The following POU6F2 variants were observed in gnomAD, a reference collection of about 807,000 sequenced individuals.
The protein encoded by POU6F2 is POU class 6 homeobox 2, also known as POU domain, class 6, transcription factor 2.
A neutral mutation model predicts 71.3 loss-of-function variants in POU6F2; 31 were observed. That is an observed-to-expected ratio of 0.43 (90% CI 0.33 to 0.59). POU6F2 has a LOEUF of 0.59. POU6F2 is among the 20% of genes least tolerant of loss of function. The pLI, the probability that POU6F2 is intolerant of heterozygous loss-of-function variation, is 0.04. For missense variants in POU6F2, 783 were observed against 856.8 expected (o/e 0.91, Z 1.07); for synonymous variants, 347 against 355.7 (o/e 0.98, Z 0.27).
At chr7:39,239,253 A>G (rs751892068) in intron 4 of POU6F2, among the ~76,000 whole-genome samples, 1 of 152,140 alleles carries the variant, frequency 6.6e-6, no homozygotes, top group African/African-American at 2.4e-5. Context: ...AGCTGTCTTC[A>G]TAGTGCCTCA....
At chr7:39,171,134 A>G (rs1281553766) in intron 2 of POU6F2, among the ~76,000 whole-genome samples, 1 of 148,438 alleles carries the variant, frequency 6.7e-6, no homozygotes, top group Admixed American at 6.9e-5. Context: ...TAAACCCATC[A>G]TCTAGGTTTT....
chr7:39,257,164 C>G (rs912659069), intron 4 of POU6F2, among the ~76,000 whole-genome samples: 1 of 152,138 alleles, frequency 6.6e-6, no homozygotes, highest in African/African-American at 2.4e-5. Context: ...GGAAATAGTG[C>G]AGATACAAAG....
intron 5 of POU6F2, among the ~76,000 whole-genome samples, chr7:39,389,483 T>C (rs1187199505): frequency 6.6e-6 from 1 of 152,186 alleles, no homozygotes; most frequent in Non-Finnish European, 1.5e-5. Context: ...CAGTTGTGAG[T>C]AACTTGCCTT....
chr7:39,410,762 T>C (rs779005921), intron 6 of POU6F2, among the ~76,000 whole-genome samples: 13 of 152,010 alleles, frequency 8.6e-5, no homozygotes, highest in Middle Eastern at 6.8e-3. Flanking sequence ...TGCATAATTA[T>C]CATCATCATC....
At chr7:39,086,136 G>GT in intron 2 of POU6F2, 105 bp downstream of exon 2, 1 of 1,180,026 alleles carries the variant, frequency 8.5e-7, no homozygotes, top group Non-Finnish European at 1.1e-6. Context: ...CAGTTTTCCC[G>GT]TAAGTACTAA....
chr7:38,995,943 T>C (rs1414937379), intron 1 of POU6F2, among the ~76,000 whole-genome samples: 2 of 152,072 alleles, frequency 1.3e-5, no homozygotes, highest in African/African-American at 4.8e-5. Flanking sequence ...TAAACTTTCC[T>C]TGTGGAAGAA....
rs141805863 is a variant in POU6F2, at chr7:39,180,589, C to T, written c.278-23646C>T. 3.7e-3 allele frequency among the ~76,000 whole-genome samples: 559 copies of T among 152,270 alleles called. 2 individuals are homozygous for T. Among genetic ancestry groups the T allele is most frequent in the African/African-American group, 0.013 (524 of 41,556 alleles). ...TGTATGGGAAACTCCAGCCTCGTGT[C>T]TCCGCTATTCCCAGTCATTTGCCTT... On this transcript the variant is annotated intron_variant, in intron 2 of 9. Transcript: ENST00000518318.
At chr7:39,258,442 G>A (rs1205985544) in intron 4 of POU6F2, among the ~76,000 whole-genome samples, 1 of 152,090 alleles carries the variant, frequency 6.6e-6, no homozygotes, top group Non-Finnish European at 1.5e-5. Context: ...TGTCCTCATT[G>A]GTAGCTGGTA....
At position 39,126,804 on chromosome 7, in the gene POU6F2, A is replaced by G. The variant is rs534336583; in HGVS notation, c.277+40773A>G. ...AGATACACATAGATATTTACAATCC[A>G]TACCAACACATGCTTATCTGCAAGG... is the stretch of plus-strand genomic sequence containing the variant. On this transcript the variant is annotated intron_variant, in intron 2 of 9. Transcript: ENST00000518318. Among the ~76,000 whole-genome samples, 22 of 152,356 alleles carry G rather than the reference A, an allele frequency of 1.4e-4. No homozygotes were observed. In the South Asian group the frequency reaches 2.9e-3, roughly 20 times the overall value.
chr7:39,278,980 A>T (rs897015836), intron 4 of POU6F2, among the ~76,000 whole-genome samples: 1 of 152,070 alleles, frequency 6.6e-6, no homozygotes, highest in Non-Finnish European at 1.5e-5. Context: ...CAGTTCCCTA[A>T]CCTGACTTTT....
intron 6 of POU6F2, among the ~76,000 whole-genome samples, chr7:39,414,572 G>T (rs1487646310): frequency 6.6e-6 from 1 of 152,212 alleles, no homozygotes; most frequent in Non-Finnish European, 1.5e-5. Flanking sequence ...CGGCGGACTT[G>T]ACAGGAAGCT....
intron 2 of POU6F2, among the ~76,000 whole-genome samples, chr7:39,124,780 A>G (rs1403598720): frequency 6.6e-6 from 1 of 152,176 alleles, no homozygotes; most frequent in Non-Finnish European, 1.5e-5. Context: ...AGGTTTTCCT[A>G]TCTCTGTACA....
intron 2 of POU6F2, among the ~76,000 whole-genome samples, chr7:39,158,739 G>C (rs1235863780): frequency 6.6e-6 from 1 of 152,164 alleles, no homozygotes; most frequent in Non-Finnish European, 1.5e-5. Context: ...ACCCACATTG[G>C]ATGAGGATGG....
chr7:39,302,788 GTGTT>G (rs1415343181), intron 4 of POU6F2, among the ~76,000 whole-genome samples: 17 of 152,356 alleles, frequency 1.1e-4, no homozygotes, highest in African/African-American at 3.6e-4. Flanking sequence ...AGTACAGTAA[GTGTT>G]TGTAGAACTG....
At chr7:39,229,664 T>G (rs1048035223) in intron 4 of POU6F2, among the ~76,000 whole-genome samples, 5 of 152,240 alleles carry the variant, frequency 3.3e-5, no homozygotes, top group Admixed American at 2.6e-4. Flanking sequence ...GTTAAAGTTT[T>G]CTCAGTAATG....
At chr7:39,434,326 C>A (rs1051639776) in intron 7 of POU6F2, among the ~76,000 whole-genome samples, 9 of 152,056 alleles carry the variant, frequency 5.9e-5, no homozygotes, top group Non-Finnish European at 8.8e-5. Context: ...TATAAACAAT[C>A]TAAAAAGGAT....
At chr7:39,459,384 G>C (rs1030843887) in intron 8 of POU6F2, among the ~76,000 whole-genome samples, 2 of 152,174 alleles carry the variant, frequency 1.3e-5, no homozygotes, top group Non-Finnish European at 2.9e-5. Context: ...GCTCCCCACA[G>C]ATATTAACAT....
chr7:39,201,135 G>A (rs1440165022), intron 2 of POU6F2, among the ~76,000 whole-genome samples: 2 of 152,194 alleles, frequency 1.3e-5, no homozygotes, highest in African/African-American at 4.8e-5. Flanking sequence ...ATACATATTA[G>A]TTCATTTAAT....
intron 4 of POU6F2, among the ~76,000 whole-genome samples, chr7:39,246,905 C>CTTTTTTTTTTTTTTTTTTGTTT (rs1783830381): frequency 1.3e-5 from 1 of 78,152 alleles, no homozygotes; most frequent in African/African-American, 5.9e-5. Context: ...TCCAGGGTGG[C>CTTTTTTTTTTTTTTTTTTGTTT]TTTTTTTTTT....
Sources: allele counts gnomAD v4.1 joint callset (sites outside exome capture counted in the v4.1 genomes callset), GRCh38; gene constraint gnomAD v4.1.1; transcripts MANE v1.5; gene names NCBI Gene and HGNC (gene_info 2026-07-23, HGNC 2026-07-21).